RASGRP2: variants seen among roughly 807,000 people sequenced by gnomAD.
RASGRP2 encodes RAS guanyl-releasing protein 2.
In RASGRP2, 44 loss-of-function variants were observed where a neutral mutation model predicts 71.0. The ratio of observed to expected loss-of-function variants is 0.62; its 90% CI spans 0.49 to 0.80. The LOEUF is 0.80. Among genes scored for constraint, RASGRP2 ranks in the 30% least tolerant of loss-of-function variants. RASGRP2 has a pLI of 0.00. For missense variants in RASGRP2, 663 were observed against 813.4 expected, an observed-to-expected ratio of 0.82 and a Z score of 2.25; for synonymous variants, 350 against 330.7, an observed-to-expected ratio of 1.06 and a Z score of -0.63.
Position 64,739,839 on chromosome 11 carries a change from T to G in RASGRP2, c.523-30A>C. 1 of 1,612,880 alleles carries G rather than the reference T, an allele frequency of 6.2e-7. No individual in the cohort carries two copies. Among genetic ancestry groups the G allele is most frequent in the Non-Finnish European group, 8.5e-7 (1 of 1,179,646 alleles). ...GGGCATGAGGAGTGGCCTCAGCACC[T>G]TGCTGGCCTCTCCCCTCACTGATAG... On this transcript the variant is annotated intron_variant, in intron 6 of 16. Transcript: ENST00000394432. The surrounding 1 kb of genome is among the most constrained non-coding windows in gnomAD (Gnocchi z 4.2).
chr11:64,736,912 C>T lies in RASGRP2; in HGVS notation c.936G>A (p.Val312=). The T allele has an allele frequency of 6.2e-7, 1 of 1,613,954 alleles. No individual in the cohort carries two copies. The change falls in exon 9 of 17, where the codon GTG becomes GTA. Residue 312 remains valine (V), a synonymous_variant. Coordinates refer to ENST00000394432, the MANE Select transcript of RASGRP2 (RefSeq NM_001098671.2). ...PILGVHLKDL[V]ALQLALPDWL... The stretch of plus-strand genomic sequence containing the variant: ...AGTCAGGCAGTGCCAGCTGCAGGGC[C>T]ACCAGGTCCTTGAGGTGCACACCCA...
At position 64,735,516 on chromosome 11, in the gene RASGRP2, A is replaced by G. The variant is rs779313380; in HGVS notation, c.1296+26T>C. The G allele has an allele frequency of 3.7e-6, 6 of 1,613,258 alleles. No individual in the cohort carries two copies. The highest frequency in any genetic ancestry group is 3.3e-5 in the Admixed American group (2 of 59,992). On this transcript the variant is annotated intron_variant, in intron 11 of 16. Coordinates refer to ENST00000394432, the MANE Select transcript of RASGRP2 (RefSeq NM_001098671.2). The surrounding 1 kb of genome is among the most constrained non-coding windows in gnomAD (Gnocchi z 4.2). ...CCGGCAAACTGGCCTCTCCCCACAC[A>G]CTGCTCAGGCTCCGCAGGAGCTCAC...
chr11:64,729,077 A>G lies in RASGRP2; in HGVS notation c.1592-35T>C, dbSNP rs1337936936. ...AGCAAATGGAGAGCCAGCCAGGGAC[A>G]TTGGTCAGAATACCCTCCATCCCAT... On this transcript the variant is annotated intron_variant, in intron 14 of 16. Coordinates refer to ENST00000394432, the MANE Select transcript of RASGRP2 (RefSeq NM_001098671.2). The G allele has an allele frequency of 2.6e-6, 4 of 1,555,932 alleles. No homozygotes were observed. The East Asian group carries it at 9.3e-5, about 36-fold the overall frequency.
Position 64,742,052 on chromosome 11 carries a change from CA to C in RASGRP2, c.133del (p.Trp45GlyfsTer29). ...CGCCAGCTGAGAGGAGGGGATGTAC[CA>C]GGGGTGCATCATGAGGAACATGCGC... ...LVRMFLMMHP[W>X]YIPSSQLAAK... On this transcript the variant is annotated frameshift_variant, in exon 3 of 17. Coordinates refer to ENST00000394432, the MANE Select transcript of RASGRP2 (RefSeq NM_001098671.2). LOFTEE classifies it high-confidence loss of function. The surrounding 1 kb of genome is among the most constrained non-coding windows in gnomAD (Gnocchi z 4.7). The C allele has an allele frequency of 6.2e-7, 1 of 1,612,016 alleles. No individual in the cohort carries two copies. Among genetic ancestry groups the C allele is most frequent in the Non-Finnish European group, 8.5e-7 (1 of 1,179,054 alleles).
Position 64,743,414 on chromosome 11 carries a change from C to T in RASGRP2, c.-71-477G>A, listed in dbSNP as rs1236036679. ...GTATGGGAGGTGGGGGGAGAGAACC[C>T]AGGCGTCCTGCCCGCCTCGCCCCCT... On this transcript the variant is annotated intron_variant, in intron 1 of 16. Coordinates refer to ENST00000394432, the MANE Select transcript of RASGRP2 (RefSeq NM_001098671.2). This position sits in a 1 kb window ranked among gnomAD's most constrained non-coding sequence, Gnocchi z 4.9. 8.3e-6 allele frequency: 3 copies of T among 360,156 alleles called. No individual in the cohort carries two copies. The highest frequency in any genetic ancestry group is 1.7e-5 in the Non-Finnish European group (3 of 181,816). 22.3% of individuals were successfully genotyped at this position (360,156 alleles called of 1,614,324 possible).
At chr11:64,729,981 G>A in intron 13 of RASGRP2, 72 bp downstream of exon 13, 1 of 1,527,698 alleles carries the variant, frequency 6.5e-7, no homozygotes, top group Admixed American at 2.0e-5. Context: ...GCAGAGGCGG[G>A]GCCAGAAGGG....
chr11:64,735,197 C>A lies in RASGRP2; in HGVS notation c.1327G>T (p.Asp443Tyr). ...AATTCTTCCTGTGAGATGTGGCCAT[C>A]CCCATCGACGTCAAAGTTCCGGAAC... ...SVFRNFDVDG[D>Y]GHISQEEFQI... The change falls in exon 12 of 17, where the codon GAT becomes TAT. Residue 443 changes from aspartate (D) to tyrosine (Y), a missense_variant. Physicochemically the swap from Asp to Tyr is radical, Grantham distance 160. Coordinates refer to ENST00000394432, the MANE Select transcript of RASGRP2 (RefSeq NM_001098671.2). The surrounding 1 kb of genome is among the most constrained non-coding windows in gnomAD (Gnocchi z 4.2). 6.2e-7 allele frequency: 1 copy of A among 1,614,178 alleles called. No individual in the cohort carries two copies. Among genetic ancestry groups the A allele is most frequent in the Non-Finnish European group, 8.5e-7 (1 of 1,180,030 alleles).
In RASGRP2 at chr11:64,741,301, T is replaced by C. The variant is rs569678452; in HGVS notation, c.239+138A>G. On this transcript the variant is annotated intron_variant, in intron 4 of 16. Transcript: ENST00000394432. ...CCAGACCCAGGAAGGGGTGAGCCTG[T>C]GGCAGCACTGCCCACCCGGACAAGC... The C allele has an allele frequency of 7.2e-6, 8 of 1,116,050 alleles. No homozygotes were observed. In the South Asian group the frequency reaches 1.1e-4, roughly 15 times the overall value. The allele number at this position is 1,116,050 out of a possible 1,614,324, so 69.1% of individuals were successfully genotyped here. A position where few individuals can be genotyped will look rare whatever the true frequency, so the allele number is the denominator to read the frequency against.
At chr11:64,730,266 C>T in intron 12 of RASGRP2, 72 bp from the exon 13 acceptor site, 1 of 1,538,822 alleles carries the variant, frequency 6.5e-7, no homozygotes, top group Non-Finnish European at 8.8e-7. Flanking sequence ...TAACCCATCC[C>T]ACTGTTCCCA....
chr11:64,735,274 A>AG lies in RASGRP2; in HGVS notation c.1297-48dup, dbSNP rs1472429707. On this transcript the variant is annotated intron_variant, in intron 11 of 16. Transcript: ENST00000394432. This position sits in a 1 kb window ranked among gnomAD's most constrained non-coding sequence, Gnocchi z 4.2. The stretch of plus-strand genomic sequence containing the variant: ...GCAGAGCCAGAAGAGGGGAGAGTAA[A>AG]GGGGACATCAGGTCCTGTCCCTTCC... 2.0e-6 allele frequency: 3 copies of AG among 1,466,520 alleles called. No individual in the cohort carries two copies. In the African/African-American group the frequency reaches 4.2e-5, roughly 20 times the overall value. The allele number at this position is 1,466,520 out of a possible 1,614,324, so 90.8% of individuals were successfully genotyped here. A position where few individuals can be genotyped will look rare whatever the true frequency, so the allele number is the denominator to read the frequency against.
At chr11:64,734,642 T>C (rs1375463482) in intron 12 of RASGRP2, among the ~76,000 whole-genome samples, 4 of 152,072 alleles carry the variant, frequency 2.6e-5, no homozygotes, top group Non-Finnish European at 5.9e-5. Context: ...TCAGCAAAAA[T>C]AGGGCATGAA....
chr11:64,741,244 C>A (rs559772838), intron 4 of RASGRP2, among the ~76,000 whole-genome samples, 165 bp from the exon 5 acceptor site: 289 of 152,350 alleles, frequency 1.9e-3, no homozygotes, highest in Non-Finnish European at 2.9e-3. Context: ...TTGAGACAAC[C>A]ACCCGCACTG....
At position 64,739,826 on chromosome 11, in the gene RASGRP2, T is replaced by C; in HGVS notation, c.523-17A>G. The C allele has an allele frequency of 1.2e-6, 2 of 1,612,894 alleles. No individual in the cohort carries two copies. Among genetic ancestry groups the C allele is most frequent in the Non-Finnish European group, 8.5e-7 (1 of 1,179,672 alleles). Reference sequence around the variant, plus strand: ...GTCCTGAAACTGGGGGCATGAGGAGTGGCCTCAGCACCTTGCTGGCCTCTC... The same window carrying C: ...GTCCTGAAACTGGGGGCATGAGGAGCGGCCTCAGCACCTTGCTGGCCTCTC... On this transcript the variant is annotated splice_polypyrimidine_tract_variant and intron_variant, in intron 6 of 16. Coordinates refer to ENST00000394432, the MANE Select transcript of RASGRP2 (RefSeq NM_001098671.2). The surrounding 1 kb of genome is among the most constrained non-coding windows in gnomAD (Gnocchi z 4.2).
At chr11:64,732,254 A>G (rs1368790114) in intron 12 of RASGRP2, among the ~76,000 whole-genome samples, 1 of 152,272 alleles carries the variant, frequency 6.6e-6, no homozygotes, top group Non-Finnish European at 1.5e-5. Context: ...ACAGTGGCTC[A>G]TGCCTGTAAT....
In RASGRP2 at chr11:64,743,713, G is replaced by A. The variant is rs1312809033; in HGVS notation, c.-72+290C>T. ...CCGGCCCCGCACAGGCGAACTGTGA[G>A]CGCGCACGGAGCAGGGTGTCCAGAG... On this transcript the variant is annotated intron_variant, in intron 1 of 16. Transcript: ENST00000394432. The surrounding 1 kb of genome is among the most constrained non-coding windows in gnomAD (Gnocchi z 4.9). 2.7e-6 allele frequency: 1 copy of A among 365,680 alleles called. No homozygotes were observed. Among genetic ancestry groups the A allele is most frequent in the East Asian group, 9.3e-5 (1 of 10,710 alleles). The allele number at this position is 365,680 out of a possible 1,614,324, so 22.7% of individuals were successfully genotyped here. A position where few individuals can be genotyped will look rare whatever the true frequency, so the allele number is the denominator to read the frequency against.
At chr11:64,741,159 A>G in intron 4 of RASGRP2, 80 bp from the exon 5 acceptor site, 1 of 1,538,614 alleles carries the variant, frequency 6.5e-7, no homozygotes, top group Non-Finnish European at 8.8e-7. Context: ...TTGAGATTAT[A>G]GTCACCTAAG....
chr11:64,737,645 A>G (rs975524545), intron 8 of RASGRP2, among the ~76,000 whole-genome samples: 3 of 143,312 alleles, frequency 2.1e-5, no homozygotes, highest in South Asian at 2.2e-4. Flanking sequence ...GCGTCACTGC[A>G]CTCCAGCCTG....
Position 64,741,487 on chromosome 11 carries a change from C to G in RASGRP2, c.191G>C (p.Arg64Pro), listed in dbSNP as rs1453808928. 24 of 1,580,670 alleles carry G rather than the reference C, an allele frequency of 1.5e-5. No individual in the cohort carries two copies. In the Admixed American group the frequency reaches 4.4e-4, roughly 29 times the overall value. ...AKLLHIYQQS[R>P]KDNSNSLQVK... Reference sequence around the variant, plus strand: ...CTGCAGGGAATTGGAGTTGTCCTTCCGGGATTGTTGGTAGGTGAAGGAGAG... The same window carrying G: ...CTGCAGGGAATTGGAGTTGTCCTTCGGGGATTGTTGGTAGGTGAAGGAGAG... Residue 64 changes from arginine (R) to proline (P), a missense_variant, in exon 4 of 17, where the codon CGG (arginine) becomes CCG (proline). Coordinates refer to ENST00000394432, the MANE Select transcript of RASGRP2 (RefSeq NM_001098671.2).
chr11:64,735,356 C>T lies in RASGRP2; in HGVS notation c.1297-129G>A, dbSNP rs900146161. ...TCAGAGAGGTCTCTGACACCACCCC[C>T]GTTCCATACCTCCACCCCCACCCTA... On this transcript the variant is annotated intron_variant, in intron 11 of 16. Coordinates refer to ENST00000394432, the MANE Select transcript of RASGRP2 (RefSeq NM_001098671.2). The surrounding 1 kb of genome is among the most constrained non-coding windows in gnomAD (Gnocchi z 4.2). 40 of 1,279,560 alleles carry T rather than the reference C, an allele frequency of 3.1e-5. No homozygotes were observed. Among genetic ancestry groups the T allele is most frequent in the African/African-American group, 5.9e-5 (4 of 68,220 alleles). The allele number at this position is 1,279,560 out of a possible 1,614,324, so 79.3% of individuals were successfully genotyped here.
Sources: allele counts gnomAD v4.1 joint callset (sites outside exome capture counted in the v4.1 genomes callset), GRCh38; gene constraint gnomAD v4.1.1; non-coding constraint Gnocchi (gnomAD v3.1); transcripts MANE v1.5; gene names NCBI Gene and HGNC (gene_info 2026-07-23, HGNC 2026-07-21).